The following GPRC5A variants were observed in gnomAD, a reference collection of about 807,000 sequenced individuals.
The protein encoded by GPRC5A is retinoic acid-induced protein 3.
Under a neutral mutation model 22.5 loss-of-function variants are expected in GPRC5A, and 19 were observed. That is an observed-to-expected ratio of 0.85 (90% CI 0.59 to 1.24). GPRC5A has a LOEUF of 1.24. GPRC5A is among the 50% of genes most tolerant of loss of function. GPRC5A has a pLI of 0.00. For missense variants in GPRC5A, 471 were observed against 451.1 expected (o/e 1.04, Z -0.40); for synonymous variants, 192 against 184.5 (o/e 1.04, Z -0.33).
intron 1 of GPRC5A, among the ~76,000 whole-genome samples, chr12:12,902,944 G>C (rs922856460): frequency 2.0e-5 from 3 of 152,214 alleles, no homozygotes; most frequent in African/African-American, 7.2e-5. Flanking sequence ...GCGCATGCCT[G>C]TAATCCCAGC....
chr12:12,909,319 A>G, intron 2 of GPRC5A, 148 bp downstream of exon 2: 2 of 628,496 alleles, frequency 3.2e-6, no homozygotes, highest in Admixed American at 3.2e-5. Flanking sequence ...GATCTTGCTT[A>G]AAGTCGTCCA....
rs1401230963 is a variant in GPRC5A at position 12,917,231 on chromosome 12, TGTGTGTGTGTGTGTGTGTGTGCGTGC to T, written c.*4696_*4721del. The T allele has an allele frequency of 7.3e-4, 88 of 121,308 alleles. No homozygotes were observed. The highest frequency in any genetic ancestry group is 1.1e-3 in the Non-Finnish European group (69 of 60,024). The allele number at this position is 121,308 out of a possible 1,614,324, so 7.5% of individuals were successfully genotyped here. A position where few individuals can be genotyped will look rare whatever the true frequency, so the allele number is the denominator to read the frequency against. ...CTGGATCTGTGTGTGTGTGTGTGTG[TGTGTGTGTGTGTGTGTGTGTGCGTGC>T]GTGCGTGTATGTGCGCCTGACCCTG... On this transcript the variant is annotated 3_prime_UTR_variant, in exon 4 of 4. Coordinates refer to ENST00000014914, the MANE Select transcript of GPRC5A (RefSeq NM_003979.4).
Position 12,915,040 on chromosome 12 carries a change from A to G in GPRC5A, c.*2501A>G, listed in dbSNP as rs1230686013. On this transcript the variant is annotated 3_prime_UTR_variant, in exon 4 of 4. Transcript: ENST00000014914. ...GCATTTTTTTTTTTTTTTTTTTTTG[A>G]GACAGGGTCTAGCTCTATGGCCCAG... 5.0e-4 allele frequency: 26 copies of G among 52,084 alleles called. No individual in the cohort carries two copies. The highest frequency in any genetic ancestry group is 1.5e-3 in the African/African-American group (23 of 15,630). 3.2% of individuals were successfully genotyped at this position (52,084 alleles called of 1,614,324 possible).
chr12:12,900,664 G>A (rs1049686373), intron 1 of GPRC5A, among the ~76,000 whole-genome samples: 3 of 151,990 alleles, frequency 2.0e-5, no homozygotes, highest in Non-Finnish European at 4.4e-5. Context: ...TTGGGAGGCC[G>A]AGGCGGGCCT....
At chr12:12,909,393 A>G (rs1184013459) in intron 2 of GPRC5A, 1 of 498,906 alleles carries the variant, frequency 2.0e-6, no homozygotes, top group South Asian at 3.7e-5. Context: ...ACTTTGTACA[A>G]TTGGTGTAGA....
At chr12:12,912,010 G>A (rs991823244) in intron 2 of GPRC5A, 74 bp from the exon 3 acceptor site, 10 of 889,032 alleles carry the variant, frequency 1.1e-5, no homozygotes, top group Admixed American at 5.5e-5. Context: ...ATGTCACACT[G>A]TGATAAGTGA....
At chr12:12,900,904 A>AC (rs1565463536) in intron 1 of GPRC5A, among the ~76,000 whole-genome samples, 2 of 125,060 alleles carry the variant, frequency 1.6e-5, no homozygotes, top group East Asian at 2.5e-4. Context: ...AAAAAAAAAA[A>AC]AAAAAAAAAC....
intron 1 of GPRC5A, among the ~76,000 whole-genome samples, chr12:12,901,994 A>G (rs1423499710): frequency 6.6e-6 from 1 of 152,132 alleles, no homozygotes; most frequent in Non-Finnish European, 1.5e-5. Flanking sequence ...AGCTCCAGAC[A>G]GTTCATATTC....
rs184060761 is a variant in GPRC5A at position 12,896,166 on chromosome 12, A to G, written c.-8+4502A>G. Among the ~76,000 whole-genome samples the G allele has an allele frequency of 8.4e-3, 1,285 of 152,256 alleles. 6 individuals are homozygous for G. The highest frequency in any genetic ancestry group is 0.014 in the Non-Finnish European group (931 of 68,018). ...TTCCAGTATTTCATTTTATATTCAC[A>G]TTAATCAAGTCTACATGTTTCGTTT... On this transcript the variant is annotated intron_variant, in intron 1 of 3. Coordinates refer to ENST00000014914, the MANE Select transcript of GPRC5A (RefSeq NM_003979.4).
rs1863980773 is a variant in GPRC5A at position 12,909,425 on chromosome 12, C to T, written c.922+254C>T. The T allele has an allele frequency of 2.7e-5, 11 of 400,984 alleles. No individual in the cohort carries two copies. In the South Asian group the frequency reaches 7.1e-4, roughly 26 times the overall value. 24.8% of individuals were successfully genotyped at this position (400,984 alleles called of 1,614,324 possible). ...TAGACTGGGAGAGCCCTCCTCACTTCCCCTTTCTTGTGCTGTAATTTCCTG... is the reference window on the plus strand; with the variant it reads ...TAGACTGGGAGAGCCCTCCTCACTTTCCCTTTCTTGTGCTGTAATTTCCTG... On this transcript the variant is annotated intron_variant, in intron 2 of 3. Coordinates refer to ENST00000014914, the MANE Select transcript of GPRC5A (RefSeq NM_003979.4).
rs980364152 is a variant in GPRC5A, at chr12:12,913,861, C to T, written c.*1322C>T. On this transcript the variant is annotated 3_prime_UTR_variant, in exon 4 of 4. Transcript: ENST00000014914. The stretch of plus-strand genomic sequence containing the variant: ...GTGAGAGCCAGGATCATCACGGGGC[C>T]TGAGGTTTTACTCCAGAAAAGCAGA... 6.6e-6 allele frequency: 1 copy of T among 152,174 alleles called. No homozygotes were observed. The highest frequency in any genetic ancestry group is 2.4e-5 in the African/African-American group (1 of 41,432). The allele number at this position is 152,174 out of a possible 1,614,324, so 9.4% of individuals were successfully genotyped here. A position where few individuals can be genotyped will look rare whatever the true frequency, so the allele number is the denominator to read the frequency against.
At chr12:12,900,831 A>C (rs891053493) in intron 1 of GPRC5A, among the ~76,000 whole-genome samples, 1 of 134,124 alleles carries the variant, frequency 7.5e-6, no homozygotes, top group African/African-American at 2.7e-5. Flanking sequence ...TGGTGGTTGC[A>C]GTGAGCTGAG....
At position 12,908,245 on chromosome 12, in the gene GPRC5A, C is replaced by T. The variant is rs767559094; in HGVS notation, c.-5C>T. The stretch of plus-strand genomic sequence containing the variant: ...ACTCCAACATTCCTTTTCTGCAGGT[C>T]CAGAATGGCTACAACAGTCCCTGAT... On this transcript the variant is annotated splice_region_variant and 5_prime_UTR_variant, in exon 2 of 4. Transcript: ENST00000014914. 6.4e-7 allele frequency: 1 copy of T among 1,557,020 alleles called. No individual in the cohort carries two copies. Among genetic ancestry groups the T allele is most frequent in the African/African-American group, 1.4e-5 (1 of 73,616 alleles).
chr12:12,896,593 C>T (rs1047525123), intron 1 of GPRC5A, among the ~76,000 whole-genome samples: 2 of 152,342 alleles, frequency 1.3e-5, no homozygotes, highest in African/African-American at 4.8e-5. Context: ...CCATTACTCA[C>T]ACTTGCCAAT....
At chr12:12,910,764 G>A (rs1463991001) in intron 2 of GPRC5A, among the ~76,000 whole-genome samples, 1 of 152,000 alleles carries the variant, frequency 6.6e-6, no homozygotes, top group East Asian at 1.9e-4. Context: ...ATCAGGGTCT[G>A]TCTCATTGCA....
intron 1 of GPRC5A, among the ~76,000 whole-genome samples, chr12:12,900,327 C>T (rs1004108815): frequency 1.3e-5 from 2 of 152,184 alleles, no homozygotes; most frequent in African/African-American, 4.8e-5. Flanking sequence ...ACATGAAGCT[C>T]CCCAGGTGGG....
At position 12,917,537 on chromosome 12, in the gene GPRC5A, T is replaced by A. The variant is rs1394308317; in HGVS notation, c.*4998T>A. 6.6e-6 allele frequency: 1 copy of A among 151,726 alleles called. No homozygotes were observed. The highest frequency in any genetic ancestry group is 1.5e-5 in the Non-Finnish European group (1 of 67,790). 9.4% of individuals were successfully genotyped at this position (151,726 alleles called of 1,614,324 possible). On this transcript the variant is annotated 3_prime_UTR_variant, in exon 4 of 4. Transcript: ENST00000014914. ...GAAGTCTTTGAGTAGAGAATCCTAC[T>A]CAAATTTCACTGTATATTTTAAGCA... is the stretch of plus-strand genomic sequence containing the variant.
At chr12:12,899,754 A>G (rs531751824) in intron 1 of GPRC5A, among the ~76,000 whole-genome samples, 1 of 152,326 alleles carries the variant, frequency 6.6e-6, no homozygotes, top group South Asian at 2.1e-4. Flanking sequence ...TGAATGTAGC[A>G]ATTCGAGAAT....
chr12:12,905,676 T>C (rs850938), intron 1 of GPRC5A, among the ~76,000 whole-genome samples: 75,717 of 151,974 alleles, frequency 0.5, 19,829 homozygotes, highest in East Asian at 0.89. Flanking sequence ...TTTCTCTTTT[T>C]CGATTTCCCA....
Sources: allele counts gnomAD v4.1 joint callset (sites outside exome capture counted in the v4.1 genomes callset), GRCh38; gene constraint gnomAD v4.1.1; transcripts MANE v1.5; gene names NCBI Gene and HGNC (gene_info 2026-07-23, HGNC 2026-07-21).